The following PCDHA7 variants were observed in gnomAD, a reference collection of about 807,000 sequenced individuals.
The protein encoded by PCDHA7 is protocadherin alpha-7.
A neutral mutation model predicts 57.2 loss-of-function variants in PCDHA7; 37 were observed. The observed-to-expected ratio is 0.65, with a 90% CI of 0.50 to 0.85. The LOEUF is 0.85. Among genes scored for constraint, PCDHA7 ranks in the 40% least tolerant of loss-of-function variants. The pLI, the probability that PCDHA7 is intolerant of heterozygous loss-of-function variation, is 0.00. For synonymous variants in PCDHA7, 553 were observed against 558.8 expected, an observed-to-expected ratio of 0.99 and a Z score of 0.15; for missense variants, 1,188 against 1,241.8, an observed-to-expected ratio of 0.96 and a Z score of 0.65.
At chr5:140,841,119 T>C (rs2150311398) in intron 1 of PCDHA7, 1 of 628,942 alleles carries the variant, frequency 1.6e-6, no homozygotes, top group African/African-American at 1.8e-5. Context: ...ATTCATGTAA[T>C]CATTACCTTT....
intron 1 of PCDHA7, among the ~76,000 whole-genome samples, chr5:140,895,371 T>C (rs1554186488): frequency 1.3e-5 from 2 of 152,304 alleles, no homozygotes; most frequent in East Asian, 3.9e-4. Context: ...TTGGCACTTT[T>C]TGGAGTTCTT....
chr5:140,928,280 C>A, intron 1 of PCDHA7: 1 of 1,614,194 alleles, frequency 6.2e-7, no homozygotes, highest in Non-Finnish European at 8.5e-7. Context: ...CCTGGGGCCT[C>A]TCTAGGCCGA....
At chr5:140,989,444 T>C (rs2097342711) in intron 3 of PCDHA7, among the ~76,000 whole-genome samples, 1 of 152,130 alleles carries the variant, frequency 6.6e-6, no homozygotes, top group South Asian at 2.1e-4. Context: ...CTGAGGTTGT[T>C]TAGAATTGTT....
intron 1 of PCDHA7, among the ~76,000 whole-genome samples, chr5:140,973,346 T>C (rs1554235179): frequency 1.3e-5 from 2 of 152,198 alleles, no homozygotes; most frequent in Non-Finnish European, 2.9e-5. Flanking sequence ...AGTGACATAG[T>C]AGTGAATTTA....
chr5:140,854,743 GAT>G lies in PCDHA7; in HGVS notation c.2355+18010_2355+18011del, dbSNP rs1554147428. The G allele has an allele frequency of 2.0e-5, 3 of 149,440 alleles. 1 individual carries two copies. The highest frequency in any genetic ancestry group is 7.4e-5 in the African/African-American group (3 of 40,774). 9.3% of individuals were successfully genotyped at this position (149,440 alleles called of 1,614,324 possible). On this transcript the variant is annotated intron_variant, in intron 1 of 3. Coordinates refer to ENST00000525929, the MANE Select transcript of PCDHA7 (RefSeq NM_018910.3). ...AACTCAAGTTTTTTTCAGCAGCACAGATATATTACATTTTCATTCCTGAATAT... is the reference window on the plus strand; with the variant it reads ...AACTCAAGTTTTTTTCAGCAGCACAGATATTACATTTTCATTCCTGAATAT...
chr5:140,941,447 C>T (rs1180553779), intron 1 of PCDHA7, among the ~76,000 whole-genome samples: 1 of 150,780 alleles, frequency 6.6e-6, no homozygotes, highest in South Asian at 2.1e-4. Flanking sequence ...TCGGGAGTAG[C>T]TGGGATTACA....
chr5:140,965,664 A>G (rs931573016), intron 1 of PCDHA7, among the ~76,000 whole-genome samples: 2 of 152,254 alleles, frequency 1.3e-5, no homozygotes, highest in Non-Finnish European at 2.9e-5. Flanking sequence ...GTCTTGGGTG[A>G]TAAATGTAAA....
intron 1 of PCDHA7, chr5:140,862,692 G>A (rs1354476181): frequency 3.2e-5 from 18 of 555,384 alleles, no homozygotes; most frequent in Admixed American, 5.8e-5. Flanking sequence ...TGTCCTACTC[G>A]TTGATGGAAC....
chr5:140,982,475 C>T lies in PCDHA7; in HGVS notation c.2415C>T (p.Ser805=). The change falls in exon 3 of 4, where the codon AGC becomes AGT. Residue 805 remains serine, a splice_region_variant and synonymous_variant. Coordinates refer to ENST00000525929, the MANE Select transcript of PCDHA7 (RefSeq NM_018910.3). ...TATCTGGGTCTGTGTGTTTATTCAG[C>T]TCTGTGCACCTAGAGGAGGCTGGCA... The part of the protein sequence containing the change: ...YSASLRAGMH[S]SVHLEEAGIL... 1 of 1,614,154 alleles carries T rather than the reference C, an allele frequency of 6.2e-7. No homozygotes were observed. Among genetic ancestry groups the T allele is most frequent in the African/African-American group, 1.3e-5 (1 of 75,040 alleles).
chr5:140,863,401 CCCACGCTGGTGT>C, intron 1 of PCDHA7: 2 of 854,408 alleles, frequency 2.3e-6, no homozygotes, highest in East Asian at 4.2e-5. Flanking sequence ...GCCGGGCAAG[CCCACGCTGGTGT>C]ACCGCAGCGT....
intron 3 of PCDHA7, among the ~76,000 whole-genome samples, chr5:140,993,781 A>T (rs1587593339): frequency 6.6e-6 from 1 of 152,216 alleles, no homozygotes; most frequent in African/African-American, 2.4e-5. Flanking sequence ...TATTTTGTAC[A>T]GTAACATGCT....
Position 140,857,604 on chromosome 5 carries a change from T to C in PCDHA7, c.2355+20866T>C, listed in dbSNP as rs1294714828. On this transcript the variant is annotated intron_variant, in intron 1 of 3. Transcript: ENST00000525929. ...GCGGAGAGCGGCAAGGTGTACGCGC[T>C]GCAGCCGCTGGACCACGAGGAGCTG... 5.0e-6 allele frequency: 8 copies of C among 1,596,244 alleles called. 1 individual carries two copies. Among genetic ancestry groups the C allele is most frequent in the Non-Finnish European group, 6.9e-6 (8 of 1,167,658 alleles).
chr5:140,941,214 C>CTTTCTTTCTTT (rs1554214039), intron 1 of PCDHA7, among the ~76,000 whole-genome samples: 7,707 of 122,054 alleles, frequency 0.063, 376 homozygotes, highest in South Asian at 0.093. Context: ...TTTCTTTCTT[C>CTTTCTTTCTTT]CTTTCTTTCT....
chr5:140,935,057 G>A (rs2090168860), intron 1 of PCDHA7, among the ~76,000 whole-genome samples: 1 of 152,034 alleles, frequency 6.6e-6, no homozygotes, highest in Non-Finnish European at 1.5e-5. Flanking sequence ...ATTACAAGAT[G>A]TTCAGATTAT....
intron 1 of PCDHA7, chr5:140,866,593 A>T (rs527619239): frequency 4.0e-4 from 61 of 152,276 alleles, no homozygotes; most frequent in African/African-American, 1.4e-3. Context: ...ATGTAATTCT[A>T]ATCTGTTGGT....
intron 1 of PCDHA7, among the ~76,000 whole-genome samples, chr5:140,943,089 T>C (rs2093417033): frequency 6.6e-6 from 1 of 151,612 alleles, no homozygotes; most frequent in African/African-American, 2.4e-5. Flanking sequence ...AAATCCTGCC[T>C]CTACTAAAAA....
chr5:140,940,158 C>T (rs1159450232), intron 1 of PCDHA7, among the ~76,000 whole-genome samples: 3 of 151,970 alleles, frequency 2.0e-5, no homozygotes, highest in African/African-American at 7.3e-5. Context: ...TTTTTGTTTG[C>T]CTGAAATGTC....
intron 1 of PCDHA7, among the ~76,000 whole-genome samples, chr5:140,953,629 T>A (rs547651453): frequency 6.6e-6 from 1 of 152,298 alleles, no homozygotes; most frequent in East Asian, 1.9e-4. Context: ...TTGCTTTATG[T>A]ATTTTGGCCA....
At chr5:140,917,325 G>A (rs2078036694) in intron 1 of PCDHA7, among the ~76,000 whole-genome samples, 2 of 131,364 alleles carry the variant, frequency 1.5e-5, no homozygotes, top group East Asian at 2.1e-4. Context: ...TTCATGTGGC[G>A]GGGGAGGGGG....
Sources: allele counts gnomAD v4.1 joint callset (sites outside exome capture counted in the v4.1 genomes callset), GRCh38; gene constraint gnomAD v4.1.1; transcripts MANE v1.5; gene names NCBI Gene and HGNC (gene_info 2026-07-23, HGNC 2026-07-21).